Variants in HTR2C observed in about 807,000 individuals in gnomAD.
The protein encoded by HTR2C is 5-hydroxytryptamine receptor 2C.
In HTR2C, 5 loss-of-function variants were observed where a neutral mutation model predicts 21.0. The ratio of observed to expected loss-of-function variants is 0.24; its 90% CI spans 0.12 to 0.50. HTR2C has a LOEUF of 0.50. HTR2C is among the 20% of genes least tolerant of loss of function. The pLI, the probability that HTR2C is intolerant of heterozygous loss-of-function variation, is 0.98. For synonymous variants in HTR2C, 150 were observed against 145.3 expected (o/e 1.03, Z -0.23); for missense variants, 271 against 371.2 (o/e 0.73, Z 2.22).
chrX:114,858,806 G>A (rs1214740974), intron 5 of HTR2C, among the ~76,000 whole-genome samples: 1 of 109,691 alleles, frequency 9.1e-6, no homozygotes, highest in Non-Finnish European at 1.9e-5. Flanking sequence ...AATAATATTT[G>A]TAAGTTTTGT....
chrX:114,823,578 A>C (rs1556457164), intron 4 of HTR2C: 1 of 338,403 alleles, frequency 3.0e-6, no homozygotes, highest in Non-Finnish European at 6.0e-6. Context: ...CAGACACCAG[A>C]AACACCACTC....
At chrX:114,764,400 C>CA (rs375720855) in intron 4 of HTR2C, among the ~76,000 whole-genome samples, 1,375 of 38,774 alleles carry the variant, frequency 0.035, 30 homozygotes, top group African/African-American at 0.086. Context: ...AACTCCATCT[C>CA]AAAAAAAAAA....
At chrX:114,757,897 A>G (rs951658271) in intron 4 of HTR2C, among the ~76,000 whole-genome samples, 1 of 111,675 alleles carries the variant, frequency 9.0e-6, no homozygotes. Context: ...ATACCTGTAA[A>G]GAGGTAGATG....
intron 2 of HTR2C, among the ~76,000 whole-genome samples, chrX:114,705,047 G>A (rs1429605619): frequency 9.5e-6 from 1 of 105,608 alleles, no homozygotes; most frequent in Non-Finnish European, 1.9e-5. Context: ...ACTGCTCAAG[G>A]AAATAAAAGA....
intron 4 of HTR2C, among the ~76,000 whole-genome samples, chrX:114,842,166 C>G (rs1455909120): frequency 8.9e-6 from 1 of 112,325 alleles, no homozygotes; most frequent in Non-Finnish European, 1.9e-5. Context: ...TAAGGGAGCA[C>G]TGTAGGGTTT....
chrX:114,589,632 CCTAAAA>C (rs1927551975), intron 1 of HTR2C: 2 of 187,866 alleles, frequency 1.1e-5, no homozygotes, highest in Non-Finnish European at 2.1e-5. Context: ...GGTGAATGTT[CCTAAAA>C]CTCACAAGAC....
chrX:114,849,110 G>A (rs2147490044), intron 5 of HTR2C, among the ~76,000 whole-genome samples: 1 of 112,173 alleles, frequency 8.9e-6, no homozygotes, highest in Admixed American at 9.5e-5. Context: ...ATTGTAGATT[G>A]TTCTGCCTGT....
chrX:114,748,713 CACCTTCT>C (rs2069728898), intron 4 of HTR2C, among the ~76,000 whole-genome samples: 1 of 111,918 alleles, frequency 8.9e-6, no homozygotes, highest in Non-Finnish European at 1.9e-5. Flanking sequence ...TCATATTTTA[CACCTTCT>C]ACAAAAATAA....
intron 4 of HTR2C, among the ~76,000 whole-genome samples, chrX:114,757,928 G>C (rs1277145828): frequency 9.0e-6 from 1 of 110,894 alleles, no homozygotes; most frequent in African/African-American, 3.3e-5. Flanking sequence ...ACCTTGTAAG[G>C]TTAGGAGGAA....
At chrX:114,831,145 C>A (rs1184234002) in intron 4 of HTR2C, among the ~76,000 whole-genome samples, 3 of 93,598 alleles carry the variant, frequency 3.2e-5, no homozygotes, top group East Asian at 3.6e-4. Context: ...GTGAATAATG[C>A]CGCAATAAAC....
intron 2 of HTR2C, among the ~76,000 whole-genome samples, chrX:114,704,546 T>C (rs1556417594): frequency 8.9e-6 from 1 of 111,822 alleles, no homozygotes. Flanking sequence ...TTAGTACTGA[T>C]GGGATGTATC....
intron 4 of HTR2C, among the ~76,000 whole-genome samples, chrX:114,790,192 G>A (rs782791099): frequency 1.8e-5 from 2 of 111,617 alleles, no homozygotes; most frequent in East Asian, 5.7e-4. Flanking sequence ...GGAGTTAGAT[G>A]TCTGTCCTCT....
At chrX:114,905,248 A>G (rs1304032589) in intron 5 of HTR2C, among the ~76,000 whole-genome samples, 1 of 111,220 alleles carries the variant, frequency 9.0e-6, no homozygotes, top group Non-Finnish European at 1.9e-5. Context: ...TTGGCTTCCT[A>G]CTCTAGGAAA....
chrX:114,717,663 A>G (rs1439308853), intron 2 of HTR2C: 2 of 112,004 alleles, frequency 1.8e-5, no homozygotes, highest in Non-Finnish European at 3.8e-5. Flanking sequence ...CTTCAGTGCC[A>G]AAGGGTGGAA....
chrX:114,633,739 T>C (rs1346781254), intron 2 of HTR2C, among the ~76,000 whole-genome samples: 1 of 110,327 alleles, frequency 9.1e-6, no homozygotes, highest in African/African-American at 3.3e-5. Flanking sequence ...TAAAGATGTG[T>C]TTTATTAATA....
chrX:114,594,537 C>T (rs1316238218), intron 1 of HTR2C, among the ~76,000 whole-genome samples: 1 of 111,628 alleles, frequency 9.0e-6, no homozygotes, highest in African/African-American at 3.2e-5. Context: ...TCCAGTTATT[C>T]ATATTGTCAA....
chrX:114,701,871 T>G (rs1296811579), intron 2 of HTR2C, among the ~76,000 whole-genome samples: 4 of 111,832 alleles, frequency 3.6e-5, no homozygotes, highest in African/African-American at 1.3e-4. Flanking sequence ...TTAAAGGAGC[T>G]GATGGAGCTG....
chrX:114,759,465 G>A lies in HTR2C; in HGVS notation c.349+27858G>A, dbSNP rs192528803. ...CCAGGCTTATTTAAAATTAAAACAC[G>A]AGTATATATAAATATTAAGGTTATA... On this transcript the variant is annotated intron_variant, in intron 4 of 5. Transcript: ENST00000276198. Among the ~76,000 whole-genome samples, 6 of 111,555 alleles carry A rather than the reference G, an allele frequency of 5.4e-5. No individual in the cohort carries two copies. In the East Asian group the frequency reaches 1.4e-3, roughly 26 times the overall value.
chrX:114,763,295 G>A (rs1390991033), intron 4 of HTR2C: 4 of 125,258 alleles, frequency 3.2e-5, no homozygotes, highest in African/African-American at 1.3e-4. Flanking sequence ...CCATGAGAAT[G>A]CTGGTTACTT....
Sources: gnomAD v4.1 joint callset for allele counts (sites outside exome capture counted in the v4.1 genomes callset) on GRCh38, gnomAD v4.1.1 for gene constraint, MANE v1.5 for transcripts, NCBI Gene and HGNC (gene_info 2026-07-23, HGNC 2026-07-21) for gene names.